Variants in ZNF350 observed in about 807,000 individuals in gnomAD.
ZNF350 encodes KRAB zinc finger protein ZFQR.
In ZNF350, 5 loss-of-function variants were observed where a neutral mutation model predicts 13.1. The observed-to-expected ratio is 0.38, with a 90% confidence interval of 0.20 to 0.80. ZNF350 has a LOEUF of 0.80. ZNF350 is among the 30% of genes least tolerant of loss of function. ZNF350 has a pLI of 0.43. For synonymous variants in ZNF350, 199 were observed against 224.2 expected (o/e 0.89, Z 1.00); for missense variants, 534 against 644.2 (o/e 0.83, Z 1.85).
Position 51,964,823 on chromosome 19 carries a change from A to G in ZNF350, c.*31T>C, listed in dbSNP as rs371983333. ...ATAATGAACTACAAATTTTTGCTCA[A>G]CCCTTTTCCACATAGATCTGAGTTT... On this transcript the variant is annotated 3_prime_UTR_variant, in exon 5 of 5. Coordinates refer to ENST00000243644, the MANE Select transcript of ZNF350 (RefSeq NM_021632.4). The G allele has an allele frequency of 6.3e-5, 99 of 1,577,636 alleles. No homozygotes were observed. The highest frequency in any genetic ancestry group is 8.1e-5 in the Non-Finnish European group (94 of 1,160,194).
chr19:51,964,852 T>G lies in ZNF350; in HGVS notation c.*2A>C, dbSNP rs1246451659. On this transcript the variant is annotated 3_prime_UTR_variant, in exon 5 of 5. Transcript: ENST00000243644. ...TTTTCCACATAGATCTGAGTTTTCT[T>G]CCTATGGGTTTTCTGTAACATAAAA... 2 of 1,603,604 alleles carry G rather than the reference T, an allele frequency of 1.2e-6. No homozygotes were observed. The highest frequency in any genetic ancestry group is 8.5e-7 in the Non-Finnish European group (1 of 1,172,954).
intron 2 of ZNF350, among the ~76,000 whole-genome samples, chr19:51,972,292 T>G (rs371415653): frequency 9.5e-5 from 11 of 115,984 alleles, no homozygotes; most frequent in African/African-American, 3.7e-4. Flanking sequence ...CCCATCTCAA[T>G]TAAAAAAAAA....
intron 4 of ZNF350, 143 bp from the exon 5 acceptor site, chr19:51,966,357 C>T (rs901066773): frequency 1.2e-6 from 1 of 810,674 alleles, no homozygotes; most frequent in East Asian, 3.0e-5. Context: ...GATCTCAGCT[C>T]ACTGCAACCT....
At chr19:51,981,470 T>C in intron 1 of ZNF350, 1 of 152,190 alleles carries the variant, frequency 6.6e-6, no homozygotes, top group Non-Finnish European at 1.5e-5. Flanking sequence ...GATTTTTGTA[T>C]TTTTAGTAGA....
At chr19:51,973,775 A>G (rs2085810305) in intron 2 of ZNF350, 1 of 152,318 alleles carries the variant, frequency 6.6e-6, no homozygotes, top group Non-Finnish European at 1.5e-5. Flanking sequence ...CCAGACTGCC[A>G]CAAGGCTGAA....
intron 1 of ZNF350, among the ~76,000 whole-genome samples, chr19:51,978,860 A>G (rs188831002): frequency 6.6e-6 from 1 of 152,234 alleles, no homozygotes; most frequent in Non-Finnish European, 1.5e-5. Context: ...GTGTTAGAGG[A>G]AAAAAGCAAA....
intron 1 of ZNF350, among the ~76,000 whole-genome samples, chr19:51,975,438 A>AAAC (rs958495433): frequency 3.3e-5 from 5 of 150,012 alleles, no homozygotes; most frequent in African/African-American, 1.2e-4. Flanking sequence ...TTAAAAAAAA[A>AAAC]AAAAAAAAAA....
chr19:51,972,710 T>C (rs996448007), intron 2 of ZNF350, among the ~76,000 whole-genome samples: 1 of 143,136 alleles, frequency 7.0e-6, no homozygotes, highest in African/African-American at 2.7e-5. Flanking sequence ...TTAATACATA[T>C]ATAGACATAG....
intron 4 of ZNF350, chr19:51,967,394 A>G (rs1276880007): frequency 6.6e-6 from 1 of 151,808 alleles, no homozygotes; most frequent in African/African-American, 2.4e-5. Flanking sequence ...ACAGAGCAAG[A>G]CTCTGTCTTA....
intron 1 of ZNF350, among the ~76,000 whole-genome samples, chr19:51,983,733 A>G (rs1048853513): frequency 6.6e-6 from 1 of 151,980 alleles, no homozygotes; most frequent in Admixed American, 6.6e-5. Context: ...GTCCTGCCAC[A>G]CCCCCCTCAC....
intron 1 of ZNF350, among the ~76,000 whole-genome samples, chr19:51,975,429 T>TTA (rs377330317): frequency 2.2e-5 from 2 of 88,994 alleles, no homozygotes; most frequent in Non-Finnish European, 2.1e-5. Context: ...AACCTCGTCT[T>TTA]AAAAAAAAAA....
chr19:51,967,133 A>T (rs1257960344), intron 4 of ZNF350, among the ~76,000 whole-genome samples: 1 of 152,210 alleles, frequency 6.6e-6, no homozygotes. Flanking sequence ...ATAAAGACAG[A>T]TTTGGCTGCT....
At chr19:51,978,046 C>T (rs2085942696) in intron 1 of ZNF350, among the ~76,000 whole-genome samples, 1 of 152,184 alleles carries the variant, frequency 6.6e-6, no homozygotes, top group Non-Finnish European at 1.5e-5. Flanking sequence ...GGACTCTGTA[C>T]TCGCCATAAC....
At chr19:51,969,489 G>A (rs1326497665) in intron 2 of ZNF350, among the ~76,000 whole-genome samples, 1 of 151,954 alleles carries the variant, frequency 6.6e-6, no homozygotes, top group African/African-American at 2.4e-5. Context: ...GTATCTGTAG[G>A]GTATTGGTTC....
intron 2 of ZNF350, among the ~76,000 whole-genome samples, chr19:51,972,659 A>G (rs2085773816): frequency 6.6e-6 from 1 of 152,036 alleles, no homozygotes; most frequent in Non-Finnish European, 1.5e-5. Context: ...CATAATGAAT[A>G]TATATATCTA....
chr19:51,964,907 C>A lies in ZNF350; in HGVS notation c.1546G>T (p.Val516Phe). The change falls in exon 5 of 5, where the codon GTT (valine) becomes TTT (phenylalanine). Residue 516 changes from valine (V) to phenylalanine (F), a missense_variant. Coordinates refer to ENST00000243644, the MANE Select transcript of ZNF350 (RefSeq NM_021632.4). ...ACATAATTGATCACGGAAGGCACAA[C>A]CACATTCACTGCATTCACAAGGTTT... is the stretch of plus-strand genomic sequence containing the variant. Reference protein sequence around the residue: ...DRNLVNAVNVVVPSVINYVLF... With the variant: ...DRNLVNAVNVFVPSVINYVLF... The A allele has an allele frequency of 6.2e-7, 1 of 1,614,134 alleles. No individual in the cohort carries two copies. The highest frequency in any genetic ancestry group is 1.1e-5 in the South Asian group (1 of 91,088).
chr19:51,977,531 C>A (rs2085927742), intron 1 of ZNF350, among the ~76,000 whole-genome samples: 1 of 152,200 alleles, frequency 6.6e-6, no homozygotes, highest in South Asian at 2.1e-4. Flanking sequence ...ATGGCACTCC[C>A]AGATGCTGCT....
chr19:51,986,795 A>T lies in ZNF350; in HGVS notation c.-197T>A, dbSNP rs1249518054. Reference sequence around the variant, plus strand: ...CTCTATTTTCTCCAGATACACAAGAAGGGCCTCAACGTTACACTTCCGTAA... The same window carrying T: ...CTCTATTTTCTCCAGATACACAAGATGGGCCTCAACGTTACACTTCCGTAA... On this transcript the variant is annotated 5_prime_UTR_variant, in exon 1 of 5. Transcript: ENST00000243644. 6.6e-6 allele frequency: 1 copy of T among 152,232 alleles called. No homozygotes were observed. The highest frequency in any genetic ancestry group is 6.5e-5 in the Admixed American group (1 of 15,286). The allele number at this position is 152,232 out of a possible 1,614,324, so 9.4% of individuals were successfully genotyped here. A position where few individuals can be genotyped will look rare whatever the true frequency, so the allele number is the denominator to read the frequency against.
At position 51,968,898 on chromosome 19, in the gene ZNF350, G is replaced by T. The variant is rs2085653394; in HGVS notation, c.142+107C>A. The stretch of plus-strand genomic sequence containing the variant: ...GTGTGGGAGCAAGAGAAGGATCTGA[G>T]AATCTACCACTTCAGAGTACTGCAG... On this transcript the variant is annotated intron_variant, in intron 3 of 4. Coordinates refer to ENST00000243644, the MANE Select transcript of ZNF350 (RefSeq NM_021632.4). The T allele has an allele frequency of 1.9e-6, 3 of 1,606,416 alleles. No individual in the cohort carries two copies. The Admixed American group carries it at 5.0e-5, about 27-fold the overall frequency.
Sources: gnomAD v4.1 joint callset for allele counts (sites outside exome capture counted in the v4.1 genomes callset) on GRCh38, gnomAD v4.1.1 for gene constraint, MANE v1.5 for transcripts, NCBI Gene and HGNC (gene_info 2026-07-23, HGNC 2026-07-21) for gene names.